HELZ: variants seen among roughly 807,000 people sequenced by gnomAD.
The protein encoded by HELZ is ATP-dependent RNA helicase with zinc finger domain.
Under a neutral mutation model 218.2 loss-of-function variants are expected in HELZ, and 23 were observed. That is an observed-to-expected ratio of 0.11 (90% CI 0.08 to 0.15). The LOEUF (loss-of-function observed/expected upper bound fraction) is 0.15, where lower values mean the gene tolerates loss of function less well. Ranked by LOEUF, HELZ falls within the 10% of genes least tolerant of loss-of-function variation. The pLI is 1.00. For synonymous variants in HELZ, 814 were observed against 829.4 expected (o/e 0.98, Z 0.32); for missense variants, 1,813 against 2,353.7 (o/e 0.77, Z 4.75).
chr17:67,104,299 T>C (rs1190263659), intron 31 of HELZ, among the ~76,000 whole-genome samples: 1 of 151,686 alleles, frequency 6.6e-6, no homozygotes, highest in African/African-American at 2.4e-5. Flanking sequence ...ATTAGCCGGG[T>C]GTGGTGGTGG....
chr17:67,123,763 C>A (rs961538368), intron 25 of HELZ, among the ~76,000 whole-genome samples, 200 bp downstream of exon 25: 2 of 151,494 alleles, frequency 1.3e-5, no homozygotes, highest in Admixed American at 1.3e-4. Flanking sequence ...CATATCAATG[C>A]ACTGATAAAA....
At chr17:67,232,828 T>C (rs1260385610) in intron 3 of HELZ, among the ~76,000 whole-genome samples, 9 of 152,186 alleles carry the variant, frequency 5.9e-5, no homozygotes, top group Non-Finnish European at 1.2e-4. Flanking sequence ...ATAAAAAACT[T>C]TTAATTAAAA....
chr17:67,132,560 C>T (rs763146940), intron 23 of HELZ, among the ~76,000 whole-genome samples: 1 of 152,146 alleles, frequency 6.6e-6, no homozygotes, highest in Non-Finnish European at 1.5e-5. Flanking sequence ...CTGAATCAGG[C>T]TGCCCATTTA....
At chr17:67,089,371 A>G (rs1003509986) in intron 31 of HELZ, among the ~76,000 whole-genome samples, 1 of 152,134 alleles carries the variant, frequency 6.6e-6, no homozygotes, top group Non-Finnish European at 1.5e-5. Context: ...GAAGGCTGAT[A>G]TAAGAGAGAA....
At chr17:67,171,137 T>C (rs2039299357) in intron 13 of HELZ, among the ~76,000 whole-genome samples, 2 of 151,890 alleles carry the variant, frequency 1.3e-5, no homozygotes, top group South Asian at 4.2e-4. Flanking sequence ...TCTTCCTACC[T>C]CTCCTAGCTG....
chr17:67,090,739 C>T (rs566984741), intron 31 of HELZ, among the ~76,000 whole-genome samples: 68 of 152,184 alleles, frequency 4.5e-4, no homozygotes, highest in African/African-American at 1.6e-3. Context: ...AGTCTCCTTC[C>T]TAATATAGGT....
chr17:67,095,135 T>G (rs1442665834), intron 31 of HELZ, among the ~76,000 whole-genome samples: 2 of 152,226 alleles, frequency 1.3e-5, no homozygotes, highest in African/African-American at 4.8e-5. Flanking sequence ...TTATGGAATA[T>G]TCTAAATCCT....
intron 21 of HELZ, among the ~76,000 whole-genome samples, chr17:67,139,562 C>G (rs1006608681): frequency 6.6e-6 from 1 of 152,096 alleles, no homozygotes; most frequent in Non-Finnish European, 1.5e-5. Context: ...TCTGGGAAAC[C>G]TCTCTCCCAG....
At chr17:67,191,869 G>A (rs1178816201) in intron 9 of HELZ, among the ~76,000 whole-genome samples, 4 of 149,834 alleles carry the variant, frequency 2.7e-5, no homozygotes, top group Non-Finnish European at 5.9e-5. Flanking sequence ...TAAAAACATT[G>A]ATAAAAGATC....
chr17:67,085,451 C>T (rs936445784), intron 32 of HELZ, among the ~76,000 whole-genome samples: 2 of 151,952 alleles, frequency 1.3e-5, no homozygotes, highest in South Asian at 4.2e-4. Context: ...CAAAGCAACC[C>T]GAGGCAAAAT....
At chr17:67,226,813 C>G (rs2040905656) in intron 3 of HELZ, among the ~76,000 whole-genome samples, 1 of 152,146 alleles carries the variant, frequency 6.6e-6, no homozygotes, top group Admixed American at 6.5e-5. Flanking sequence ...CAAAAAGGAA[C>G]AAGTATTCAA....
At chr17:67,224,606 C>A in intron 3 of HELZ, 1 of 495,400 alleles carries the variant, frequency 2.0e-6, no homozygotes, top group Admixed American at 3.0e-5. Flanking sequence ...TTACTAATAA[C>A]AGTAAGTGTA....
chr17:67,205,725 G>C (rs1427127042), intron 5 of HELZ, among the ~76,000 whole-genome samples: 2 of 152,286 alleles, frequency 1.3e-5, no homozygotes, highest in South Asian at 2.1e-4. Flanking sequence ...TTACAAACAG[G>C]TTTCATAGAT....
At chr17:67,197,808 C>T (rs1274096785) in intron 7 of HELZ, among the ~76,000 whole-genome samples, 1 of 152,196 alleles carries the variant, frequency 6.6e-6, no homozygotes, top group African/African-American at 2.4e-5. Context: ...CTCTGTAATA[C>T]TGTTTCCACA....
Position 67,218,658 on chromosome 17 carries a change from T to G in HELZ, c.147A>C (p.Pro49=). 1 of 1,614,206 alleles carries G rather than the reference T, an allele frequency of 6.2e-7. No individual in the cohort carries two copies. Among genetic ancestry groups the G allele is most frequent in the Non-Finnish European group, 8.5e-7 (1 of 1,180,044 alleles). The stretch of plus-strand genomic sequence containing the variant: ...CGATTTTGATGCGTTCTATTTCCAA[T>G]GGACAAGGCCCTGTGAAGTCTGCCA... ...YSMADFTGPC[P]LEIERIKIES... Residue 49 remains proline, a synonymous_variant, in exon 4 of 33, where the codon CCA becomes CCC. Transcript: ENST00000358691.
Position 67,215,777 on chromosome 17 carries a change from C to T in HELZ, c.247+122G>A, listed in dbSNP as rs775098102. On this transcript the variant is annotated intron_variant, in intron 5 of 32. Coordinates refer to ENST00000358691, the MANE Select transcript of HELZ (RefSeq NM_014877.4). The stretch of plus-strand genomic sequence containing the variant: ...GGAATGTCATCATCCAAATCAGTCA[C>T]TAGCCACCACAGTAAGGTGGGCTTT... 3.0e-4 allele frequency: 209 copies of T among 707,208 alleles called. 1 individual carries two copies. The highest frequency in any genetic ancestry group is 4.6e-5 in the Admixed American group (2 of 43,482). The allele number at this position is 707,208 out of a possible 1,614,324, so 43.8% of individuals were successfully genotyped here.
At chr17:67,206,897 T>C (rs567116506) in intron 5 of HELZ, among the ~76,000 whole-genome samples, 3 of 122,162 alleles carry the variant, frequency 2.5e-5, no homozygotes, top group East Asian at 5.0e-4. Context: ...CTATGCCGGG[T>C]TTTTTTGTTT....
chr17:67,170,918 A>G (rs1298490222), intron 13 of HELZ, among the ~76,000 whole-genome samples: 1 of 152,056 alleles, frequency 6.6e-6, no homozygotes, highest in African/African-American at 2.4e-5. Context: ...CCTATATAAT[A>G]TGCAGAGTTT....
chr17:67,137,966 G>C lies in HELZ; in HGVS notation c.2918C>G (p.Ser973Cys), dbSNP rs779908316. Residue 973 changes from serine to cysteine, a missense_variant, in exon 22 of 33, where the codon TCT becomes TGT. By Grantham distance (112) the Ser-to-Cys change is moderately radical. Transcript: ENST00000358691. Reference protein sequence around the residue: ...IRAELRKKRLSDVNVERVLNV... With the variant: ...IRAELRKKRLCDVNVERVLNV... ...TAGCACCCTTTCTACATTAACATCA[G>C]ATAATCTCTTTTTTCGAAGTTCAGC... 6.2e-7 allele frequency: 1 copy of C among 1,612,674 alleles called. No individual in the cohort carries two copies. Among genetic ancestry groups the C allele is most frequent in the African/African-American group, 1.3e-5 (1 of 74,858 alleles).
Sources: gnomAD v4.1 joint callset for allele counts (sites outside exome capture counted in the v4.1 genomes callset) on GRCh38, gnomAD v4.1.1 for gene constraint, MANE v1.5 for transcripts, NCBI Gene and HGNC (gene_info 2026-07-23, HGNC 2026-07-21) for gene names.